The following KLF5 variants were observed in gnomAD, a reference collection of about 807,000 sequenced individuals.
KLF5 encodes KLF transcription factor 5, also known as Krueppel-like factor 5.
Under a neutral mutation model 36.9 loss-of-function variants are expected in KLF5, and 9 were observed. The observed-to-expected ratio is 0.24, with a 90% CI of 0.15 to 0.43. The LOEUF (loss-of-function observed/expected upper bound fraction) is 0.43, where lower values mean the gene tolerates loss of function less well. KLF5 is among the 20% of genes least tolerant of loss of function. The probability of loss-of-function intolerance (pLI) is 1.00; values close to 1 mark genes in which losing one functional copy is unlikely to be tolerated. For synonymous variants in KLF5, 246 were observed against 241.7 expected, an observed-to-expected ratio of 1.02 and a Z score of -0.17; for missense variants, 524 against 599.5, an observed-to-expected ratio of 0.87 and a Z score of 1.31.
In KLF5 at chr13:73,064,448, G is replaced by A. The variant is rs533738396; in HGVS notation, c.1195+565G>A. On this transcript the variant is annotated intron_variant, in intron 3 of 3. Transcript: ENST00000377687. The stretch of plus-strand genomic sequence containing the variant: ...AAGCCCCAGCCTAAACTTGGTATGT[G>A]TGAGAGACTTGATCTTTATTCTAGC... Among the ~76,000 whole-genome samples, 5 of 152,326 alleles carry A rather than the reference G, an allele frequency of 3.3e-5. No homozygotes were observed. In the South Asian group the frequency reaches 1.0e-3, roughly 32 times the overall value.
At chr13:73,060,810 T>G (rs909856995) in intron 1 of KLF5, 2 of 152,210 alleles carry the variant, frequency 1.3e-5, no homozygotes, top group African/African-American at 4.8e-5. Flanking sequence ...TTAAAAAATG[T>G]AGGCTTAAGT....
At chr13:73,064,511 G>C (rs969425872) in intron 3 of KLF5, among the ~76,000 whole-genome samples, 2 of 152,100 alleles carry the variant, frequency 1.3e-5, no homozygotes, top group African/African-American at 4.8e-5. Context: ...TTTAAGTTTA[G>C]CTCCTCTACT....
chr13:73,070,669 G>C (rs1418831849), intron 3 of KLF5, among the ~76,000 whole-genome samples: 1 of 152,176 alleles, frequency 6.6e-6, no homozygotes. Context: ...GGCCCTGGGA[G>C]AAGTCCCCTC....
In KLF5 at chr13:73,077,244, T is replaced by TA. The variant is rs1291296174; in HGVS notation, c.*1361dup. The TA allele has an allele frequency of 6.5e-6, 1 of 152,674 alleles. No homozygotes were observed. The highest frequency in any genetic ancestry group is 1.5e-5 in the Non-Finnish European group (1 of 68,046). The allele number at this position is 152,674 out of a possible 1,614,324, so 9.5% of individuals were successfully genotyped here. On this transcript the variant is annotated 3_prime_UTR_variant, in exon 4 of 4. Coordinates refer to ENST00000377687, the MANE Select transcript of KLF5 (RefSeq NM_001730.5). Reference sequence around the variant, plus strand: ...TTAGAAGACAATTTTCATAACTTGATAAATTATAGTTTTGTTTGTTAGAAA... The same window carrying TA: ...TTAGAAGACAATTTTCATAACTTGATAAAATTATAGTTTTGTTTGTTAGAAA...
At chr13:73,070,535 G>A (rs1436580693) in intron 3 of KLF5, among the ~76,000 whole-genome samples, 1 of 152,334 alleles carries the variant, frequency 6.6e-6, no homozygotes, top group Middle Eastern at 3.4e-3. Flanking sequence ...ACCCAGAGGA[G>A]AAGTAGCAGT....
rs1319109406 is a variant in KLF5, at chr13:73,062,292, A to C, written c.693A>C (p.Leu231=). The C allele has an allele frequency of 6.2e-7, 1 of 1,613,962 alleles. No homozygotes were observed. Among genetic ancestry groups the C allele is most frequent in the Non-Finnish European group, 8.5e-7 (1 of 1,179,964 alleles). ...CCCAGCAGGGCCACCTGTACCAGCT[A>C]CTGAATACACCGGATCTAGATATGC... ...VPTQQGHLYQ[L]LNTPDLDMPS... Residue 231 remains leucine (L), a synonymous_variant, in exon 2 of 4, where the codon CTA becomes CTC. Coordinates refer to ENST00000377687, the MANE Select transcript of KLF5 (RefSeq NM_001730.5).
chr13:73,059,480 G>A lies in KLF5; in HGVS notation c.153G>A (p.Leu51=). 8.0e-7 allele frequency: 1 copy of A among 1,256,206 alleles called. No individual in the cohort carries two copies. Among genetic ancestry groups the A allele is most frequent in the Non-Finnish European group, 1.0e-6 (1 of 1,002,214 alleles). 77.8% of individuals were successfully genotyped at this position (1,256,206 alleles called of 1,614,324 possible). ...CGGCGCTCTTCCCCGGCGAGGAGCT[G>A]AAGCACGCGCACCACCGCCCGCAGG... is the stretch of plus-strand genomic sequence containing the variant. ...RDAALFPGEE[L]KHAHHRPQAQ... is the part of the protein sequence containing the mutation. Residue 51 remains leucine, a synonymous_variant, in exon 1 of 4, where the codon CTG becomes CTA. Transcript: ENST00000377687.
chr13:73,070,810 C>T (rs969756851), intron 3 of KLF5, among the ~76,000 whole-genome samples: 2 of 152,016 alleles, frequency 1.3e-5, no homozygotes, highest in Non-Finnish European at 2.9e-5. Flanking sequence ...ATAACTCATT[C>T]GATTATTTTC....
rs1056202436 is a variant in KLF5, at chr13:73,059,228, C to T, written c.-100C>T. 9.3e-6 allele frequency: 11 copies of T among 1,181,028 alleles called. No homozygotes were observed. Among genetic ancestry groups the T allele is most frequent in the Non-Finnish European group, 1.2e-5 (11 of 932,726 alleles). 73.2% of individuals were successfully genotyped at this position (1,181,028 alleles called of 1,614,324 possible). On this transcript the variant is annotated 5_prime_UTR_variant, in exon 1 of 4. Coordinates refer to ENST00000377687, the MANE Select transcript of KLF5 (RefSeq NM_001730.5). ...AGGAGTCCACCCGAAACCTCCCCTCCTCCGCCGGCAGCCCCGCGCTGAGCT... is the reference window on the plus strand; with the variant it reads ...AGGAGTCCACCCGAAACCTCCCCTCTTCCGCCGGCAGCCCCGCGCTGAGCT...
In KLF5 at chr13:73,061,901, C is replaced by T. The variant is rs765587585; in HGVS notation, c.302C>T (p.Pro101Leu). 8 of 1,613,902 alleles carry T rather than the reference C, an allele frequency of 5.0e-6. No homozygotes were observed. The highest frequency in any genetic ancestry group is 2.7e-5 in the African/African-American group (2 of 74,904). Residue 101 changes from proline to leucine, a missense_variant, in exon 2 of 4, where the codon CCT (proline) becomes CTT (leucine). By Grantham distance (98) the Pro-to-Leu change is moderately conservative. Coordinates refer to ENST00000377687, the MANE Select transcript of KLF5 (RefSeq NM_001730.5). Reference protein sequence around the residue: ...EMEKYLTPQLPPVPIIPEHKK... With the variant: ...EMEKYLTPQLLPVPIIPEHKK... ...GAGAAGTATCTGACACCTCAGCTTC[C>T]TCCAGTTCCTATAATTCCAGAGCAT... is the stretch of plus-strand genomic sequence containing the variant.
At position 73,068,730 on chromosome 13, in the gene KLF5, C is replaced by T. The variant is rs1340649982; in HGVS notation, c.1195+4847C>T. ...AAAAAAAAAAAAAAAAAAAAAATTC[C>T]TTTCTAGGTCTTTGCTCCAAAGTCA... is the stretch of plus-strand genomic sequence containing the variant. On this transcript the variant is annotated intron_variant, in intron 3 of 3. Coordinates refer to ENST00000377687, the MANE Select transcript of KLF5 (RefSeq NM_001730.5). 1.1e-4 allele frequency among the ~76,000 whole-genome samples: 16 copies of T among 147,140 alleles called. No individual in the cohort carries two copies. The East Asian group carries it at 2.6e-3, about 24-fold the overall frequency.
rs1017622467 is a variant in KLF5 at position 73,062,146 on chromosome 13, A to T, written c.547A>T (p.Thr183Ser). Reference sequence around the variant, plus strand: ...AACGACTGCCCCTCCTCCGGCCCCGACCCAGGCCCTCCCTGAGTTCACCAG... The same window carrying T: ...AACGACTGCCCCTCCTCCGGCCCCGTCCCAGGCCCTCCCTGAGTTCACCAG... ...SETTAPPPAP[T>S]QALPEFTSIF... The change falls in exon 2 of 4, where the codon ACC (threonine) becomes TCC (serine). Residue 183 changes from threonine to serine, a missense_variant. This residue lies in a region of KLF5 where 454 missense variants were observed against 458.1 expected (regional missense o/e 0.99). Transcript: ENST00000377687. 6.2e-7 allele frequency: 1 copy of T among 1,613,928 alleles called. No homozygotes were observed. Among genetic ancestry groups the T allele is most frequent in the African/African-American group, 1.3e-5 (1 of 74,894 alleles).
chr13:73,062,737 A>G lies in KLF5; in HGVS notation c.1135+3A>G. ...CATCCACTACTGCGATTACCCTGGTATGTGCTCTTACCTGGTTGAAGCATC... is the reference window on the plus strand; with the variant it reads ...CATCCACTACTGCGATTACCCTGGTGTGTGCTCTTACCTGGTTGAAGCATC... On this transcript the variant is annotated splice_donor_region_variant and intron_variant, in intron 2 of 3. Coordinates refer to ENST00000377687, the MANE Select transcript of KLF5 (RefSeq NM_001730.5). The G allele has an allele frequency of 6.2e-7, 1 of 1,611,848 alleles. No homozygotes were observed. Among genetic ancestry groups the G allele is most frequent in the Non-Finnish European group, 8.5e-7 (1 of 1,178,746 alleles).
At position 73,059,100 on chromosome 13, in the gene KLF5, G is replaced by T. The variant is rs1052779164; in HGVS notation, c.-228G>T. 26 of 378,872 alleles carry T rather than the reference G, an allele frequency of 6.9e-5. No individual in the cohort carries two copies. Among genetic ancestry groups the T allele is most frequent in the Non-Finnish European group, 1.0e-4 (22 of 214,984 alleles). 23.5% of individuals were successfully genotyped at this position (378,872 alleles called of 1,614,324 possible). ...GAGCCTGAGAGCACGGTGGGGCGGG[G>T]CGGGAGAAAGTGGCCGCCCGGAGGA... On this transcript the variant is annotated 5_prime_UTR_variant, in exon 1 of 4. Coordinates refer to ENST00000377687, the MANE Select transcript of KLF5 (RefSeq NM_001730.5).
chr13:73,062,779 G>A (rs1263306191), intron 2 of KLF5, 45 bp downstream of exon 2: 1 of 1,556,192 alleles, frequency 6.4e-7, no homozygotes. Flanking sequence ...TGTAGTGTGT[G>A]TGTGTGTGTG....
intron 3 of KLF5, among the ~76,000 whole-genome samples, chr13:73,067,829 A>G (rs2139111651): frequency 6.7e-6 from 1 of 149,568 alleles, no homozygotes; most frequent in Non-Finnish European, 1.5e-5. Context: ...ATAGGAACAC[A>G]AAATTCACTC....
chr13:73,075,558 T>C (rs2044753534), intron 3 of KLF5, 150 bp from the exon 4 acceptor site: 2 of 594,476 alleles, frequency 3.4e-6, no homozygotes, highest in African/African-American at 3.7e-5. Context: ...TTGAGTGGCT[T>C]TGATATGTAT....
At chr13:73,072,517 GA>G (rs2044729475) in intron 3 of KLF5, among the ~76,000 whole-genome samples, 1 of 152,196 alleles carries the variant, frequency 6.6e-6, no homozygotes, top group Non-Finnish European at 1.5e-5. Context: ...ATCTGGAAAT[GA>G]ATTTGAACAA....
chr13:73,064,867 T>C (rs2098185989), intron 3 of KLF5, among the ~76,000 whole-genome samples: 1 of 152,140 alleles, frequency 6.6e-6, no homozygotes. Context: ...TTTTAAACTT[T>C]AAAATTATAT....
Sources: allele counts gnomAD v4.1 joint callset (sites outside exome capture counted in the v4.1 genomes callset), GRCh38; gene constraint gnomAD v4.1.1; regional missense constraint gnomAD v4.1.1; transcripts MANE v1.5; gene names NCBI Gene and HGNC (gene_info 2026-07-23, HGNC 2026-07-21).